Variants in IFI16 observed in about 807,000 individuals in gnomAD.
IFI16 encodes the protein gamma-interferon-inducible protein 16.
IFI16 carries 49 observed loss-of-function variants against 68.4 expected under a neutral mutation model. That is an observed-to-expected ratio of 0.72 (90% CI 0.57 to 0.91). The LOEUF (loss-of-function observed/expected upper bound fraction) is 0.91. IFI16 is among the 40% of genes least tolerant of loss of function. The pLI, the probability that IFI16 is intolerant of heterozygous loss-of-function variation, is 0.00. For synonymous variants in IFI16, 307 were observed against 315.0 expected, an observed-to-expected ratio of 0.97 and a Z score of 0.27; for missense variants, 878 against 942.9, an observed-to-expected ratio of 0.93 and a Z score of 0.90.
chr1:159,042,997 A>G (rs992965889), intron 7 of IFI16, among the ~76,000 whole-genome samples: 18 of 152,212 alleles, frequency 1.2e-4, no homozygotes, highest in Middle Eastern at 6.8e-3. Context: ...CTCCAATATC[A>G]TTTCTCACCC....
chr1:159,049,237 C>G (rs1655192673), intron 8 of IFI16, among the ~76,000 whole-genome samples, 195 bp from the exon 9 acceptor site: 1 of 147,108 alleles, frequency 6.8e-6, no homozygotes, highest in Non-Finnish European at 1.5e-5. Flanking sequence ...GTTTTTAATC[C>G]TGACTGGGAT....
At chr1:159,013,676 T>G (rs1438491039) in intron 1 of IFI16, among the ~76,000 whole-genome samples, 1 of 152,172 alleles carries the variant, frequency 6.6e-6, no homozygotes, top group Non-Finnish European at 1.5e-5. Context: ...CAGTTGAGTC[T>G]TAAGGTTGTA....
At chr1:159,032,129 G>A (rs1200358583) in intron 6 of IFI16, among the ~76,000 whole-genome samples, 1 of 152,186 alleles carries the variant, frequency 6.6e-6, no homozygotes, top group Non-Finnish European at 1.5e-5. Context: ...TCTAGGGAGA[G>A]AAAATGTCAC....
intron 9 of IFI16, among the ~76,000 whole-genome samples, chr1:159,050,435 T>G (rs1345029915): frequency 6.6e-6 from 1 of 152,124 alleles, no homozygotes; most frequent in Non-Finnish European, 1.5e-5. Flanking sequence ...TATTGTGAGG[T>G]GATTTGATAC....
At chr1:159,039,001 T>C (rs1002231351) in intron 7 of IFI16, among the ~76,000 whole-genome samples, 1 of 152,214 alleles carries the variant, frequency 6.6e-6, no homozygotes, top group East Asian at 1.9e-4. Context: ...ATTTGCTTGA[T>C]GAGAATGGCT....
At chr1:159,049,686 C>T (rs1407595860) in intron 9 of IFI16, 87 bp downstream of exon 9, 1 of 1,515,602 alleles carries the variant, frequency 6.6e-7, no homozygotes, top group East Asian at 2.3e-5. Context: ...TCACCAATCC[C>T]CTACTACATA....
intron 7 of IFI16, among the ~76,000 whole-genome samples, chr1:159,036,287 C>T (rs1654327512): frequency 6.6e-6 from 1 of 152,176 alleles, no homozygotes; most frequent in Non-Finnish European, 1.5e-5. Flanking sequence ...AAGATAAATA[C>T]AGTTTTAAAA....
At chr1:159,019,968 G>A (rs932640393) in intron 5 of IFI16, among the ~76,000 whole-genome samples, 1 of 152,166 alleles carries the variant, frequency 6.6e-6, no homozygotes, top group Non-Finnish European at 1.5e-5. Flanking sequence ...ATAAGTCACT[G>A]AATAAATAGT....
At chr1:159,050,721 T>G (rs949570680) in intron 9 of IFI16, among the ~76,000 whole-genome samples, 5 of 152,026 alleles carry the variant, frequency 3.3e-5, no homozygotes, top group African/African-American at 1.2e-4. Context: ...TCAGAAACAG[T>G]GCAGGCCACT....
intron 6 of IFI16, among the ~76,000 whole-genome samples, chr1:159,031,124 T>C (rs77446002): frequency 0.076 from 11,581 of 152,072 alleles, 855 homozygotes; most frequent in African/African-American, 0.19. Flanking sequence ...GGAAAGCTGG[T>C]AGTTACAGGC....
intron 9 of IFI16, among the ~76,000 whole-genome samples, chr1:159,049,886 A>G (rs1283372311): frequency 6.6e-6 from 1 of 151,480 alleles, no homozygotes; most frequent in Non-Finnish European, 1.5e-5. Flanking sequence ...ATCATACCTT[A>G]AAGTAGAACA....
intron 4 of IFI16, among the ~76,000 whole-genome samples, chr1:159,017,664 G>C (rs856044): frequency 0.72 from 109,236 of 151,860 alleles, 43,196 homozygotes; most frequent in Non-Finnish European, 0.88. Flanking sequence ...CTGAAGTGCC[G>C]TGGCATAATC....
At chr1:159,040,891 C>G (rs1486895294) in intron 7 of IFI16, among the ~76,000 whole-genome samples, 2 of 152,162 alleles carry the variant, frequency 1.3e-5, no homozygotes, top group African/African-American at 2.4e-5. Flanking sequence ...ATGTTTCTAC[C>G]AGTGTGAGAG....
intron 1 of IFI16, among the ~76,000 whole-genome samples, chr1:159,011,089 T>C (rs1652524056): frequency 6.6e-6 from 1 of 152,088 alleles, no homozygotes; most frequent in East Asian, 1.9e-4. Flanking sequence ...TATTATAAAG[T>C]TTGCTTTTTT....
At chr1:159,039,274 T>C (rs1654486206) in intron 7 of IFI16, among the ~76,000 whole-genome samples, 1 of 152,104 alleles carries the variant, frequency 6.6e-6, no homozygotes, top group African/African-American at 2.4e-5. Context: ...ACCAGAGAGA[T>C]GACAGTGAGA....
intron 9 of IFI16, 83 bp from the exon 10 acceptor site, chr1:159,051,596 T>C: frequency 9.1e-7 from 1 of 1,098,040 alleles, no homozygotes; most frequent in Non-Finnish European, 1.3e-6. Context: ...GGACCAACAC[T>C]GAGGCTGAGA....
intron 7 of IFI16, among the ~76,000 whole-genome samples, chr1:159,036,888 A>G (rs1654356469): frequency 6.6e-6 from 1 of 152,232 alleles, no homozygotes; most frequent in Non-Finnish European, 1.5e-5. Flanking sequence ...AGTTGAAGAC[A>G]GGCCTCCCAT....
chr1:159,046,937 A>G (rs1260492100), intron 8 of IFI16, among the ~76,000 whole-genome samples: 5 of 151,428 alleles, frequency 3.3e-5, no homozygotes, highest in African/African-American at 1.2e-4. Flanking sequence ...AGAAGATAAC[A>G]CAGAGGTGGG....
intron 6 of IFI16, 25 bp downstream of exon 6, chr1:159,020,554 AG>A: frequency 6.6e-7 from 1 of 1,513,984 alleles, no homozygotes; most frequent in Non-Finnish European, 9.0e-7. Context: ...GGCAAATATT[AG>A]TTTTCCAAAG....
Sources: allele counts gnomAD v4.1 joint callset (sites outside exome capture counted in the v4.1 genomes callset), GRCh38; gene constraint gnomAD v4.1.1; transcripts MANE v1.5; gene names NCBI Gene and HGNC (gene_info 2026-07-23, HGNC 2026-07-21).